GRB10: variants seen among roughly 807,000 people sequenced by gnomAD.
GRB10 encodes the protein growth factor receptor bound protein 10.
A neutral mutation model predicts 80.9 loss-of-function variants in GRB10; 20 were observed. That is an observed-to-expected ratio of 0.25 (90% CI 0.17 to 0.36). The LOEUF (loss-of-function observed/expected upper bound fraction) is 0.36. Ranked by LOEUF, GRB10 falls within the 10% of genes least tolerant of loss-of-function variation. GRB10 has a pLI of 1.00. For missense variants in GRB10, 548 were observed against 747.7 expected (o/e 0.73, Z 3.12); for synonymous variants, 291 against 291.5 (o/e 1.00, Z 0.02).
intron 7 of GRB10, among the ~76,000 whole-genome samples, chr7:50,653,194 T>C (rs2058194095): frequency 6.6e-6 from 1 of 152,126 alleles, no homozygotes; most frequent in African/African-American, 2.4e-5. Flanking sequence ...ACCGTCTTCC[T>C]AGGCACTGTC....
At chr7:50,774,202 A>T (rs1445434985) in intron 2 of GRB10, among the ~76,000 whole-genome samples, 1 of 152,092 alleles carries the variant, frequency 6.6e-6, no homozygotes, top group Non-Finnish European at 1.5e-5. Context: ...AAGCAGGGGG[A>T]GCAATGGGAT....
chr7:50,645,060 T>C (rs926738507), intron 7 of GRB10, among the ~76,000 whole-genome samples: 2 of 152,194 alleles, frequency 1.3e-5, no homozygotes, highest in Admixed American at 1.3e-4. Flanking sequence ...AATGGAGCTA[T>C]CATTTAGGGC....
Position 50,782,071 on chromosome 7 carries a change from C to T in GRB10, c.-327+353G>A, listed in dbSNP as rs2078341306. On this transcript the variant is annotated intron_variant, in intron 1 of 18. Coordinates refer to ENST00000401949, the MANE Select transcript of GRB10 (RefSeq NM_001350814.2). This position sits in a 1 kb window ranked among gnomAD's most constrained non-coding sequence, Gnocchi z 6.6. The stretch of plus-strand genomic sequence containing the variant: ...TTTCCCAAACCGGTTCCCACACCCG[C>T]TGCCCACCACCTGGCGAGGAAGGAG... Among the ~76,000 whole-genome samples, 1 of 152,274 alleles carries T rather than the reference C, an allele frequency of 6.6e-6. No homozygotes were observed. The highest frequency in any genetic ancestry group is 2.4e-5 in the African/African-American group (1 of 41,478).
At position 50,616,258 on chromosome 7, in the gene GRB10, C is replaced by T; in HGVS notation, c.936G>A (p.Val312=). The part of the protein sequence containing the change: ...LGKKSWKKLY[V]CLRRSGLYCS... ...AATAAAGGCCAGATCTCCGCAAACACACATACAGCTTTTTCCATGATTTCT... is the reference window on the plus strand; with the variant it reads ...AATAAAGGCCAGATCTCCGCAAACATACATACAGCTTTTTCCATGATTTCT... Residue 312 remains valine, a synonymous_variant, in exon 11 of 19, where the codon GTG becomes GTA. Coordinates refer to ENST00000401949, the MANE Select transcript of GRB10 (RefSeq NM_001350814.2). The T allele has an allele frequency of 6.2e-7, 1 of 1,614,206 alleles. No homozygotes were observed. The highest frequency in any genetic ancestry group is 2.2e-5 in the East Asian group (1 of 44,888).
chr7:50,690,095 G>C (rs931641145), intron 5 of GRB10, among the ~76,000 whole-genome samples: 1 of 152,120 alleles, frequency 6.6e-6, no homozygotes, highest in African/African-American at 2.4e-5. Context: ...TCAGGAGTCT[G>C]AGACCAGCCT....
At chr7:50,718,343 T>A (rs1017783088) in intron 4 of GRB10, among the ~76,000 whole-genome samples, 2 of 152,092 alleles carry the variant, frequency 1.3e-5, no homozygotes, top group Non-Finnish European at 2.9e-5. Flanking sequence ...TCTGCATGGG[T>A]TAGTTACCCA....
chr7:50,629,334 C>T (rs563227504), intron 7 of GRB10, among the ~76,000 whole-genome samples: 97 of 152,264 alleles, frequency 6.4e-4, no homozygotes, highest in Non-Finnish European at 1.2e-3. Flanking sequence ...GCCATCCCCC[C>T]AAAGGTCTAT....
intron 13 of GRB10, among the ~76,000 whole-genome samples, chr7:50,609,984 G>A (rs1466802016): frequency 6.6e-6 from 1 of 152,064 alleles, no homozygotes; most frequent in Non-Finnish European, 1.5e-5. Flanking sequence ...GAAGGTCCTA[G>A]GTTAATTCAA....
At chr7:50,631,119 A>G (rs577167501) in intron 7 of GRB10, among the ~76,000 whole-genome samples, 1 of 152,210 alleles carries the variant, frequency 6.6e-6, no homozygotes, top group Admixed American at 6.5e-5. Context: ...CTTGCTGTCA[A>G]TCTTAGCACA....
intron 7 of GRB10, among the ~76,000 whole-genome samples, chr7:50,644,026 G>A (rs190904809): frequency 5.3e-5 from 8 of 152,190 alleles, no homozygotes; most frequent in Non-Finnish European, 4.4e-5. Context: ...CCATAGTAAC[G>A]ATCACCCCAG....
rs139093255 is a variant in GRB10, at chr7:50,758,040, A to T, written c.-216-1984T>A. Among the ~76,000 whole-genome samples, 1,203 of 152,332 alleles carry T rather than the reference A, an allele frequency of 7.9e-3. 19 individuals carry two copies. The highest frequency in any genetic ancestry group is 0.024 in the African/African-American group (989 of 41,572). ...TTTGTCTATTTTCTAGGAAGTTGAT[A>T]TTAGTCTTTACAGTTGACAAAACAA... On this transcript the variant is annotated intron_variant, in intron 2 of 18. Coordinates refer to ENST00000401949, the MANE Select transcript of GRB10 (RefSeq NM_001350814.2).
At chr7:50,674,186 C>A (rs944436902) in intron 6 of GRB10, among the ~76,000 whole-genome samples, 5 of 152,212 alleles carry the variant, frequency 3.3e-5, no homozygotes, top group African/African-American at 1.2e-4. Flanking sequence ...CTACCTAGCA[C>A]AGTGCCTTGC....
chr7:50,616,511 G>A (rs546206046), intron 10 of GRB10, among the ~76,000 whole-genome samples, 164 bp from the exon 11 acceptor site: 1 of 152,238 alleles, frequency 6.6e-6, no homozygotes, highest in East Asian at 1.9e-4. Flanking sequence ...ATCTCAATTC[G>A]TGTTGCATAG....
intron 3 of GRB10, among the ~76,000 whole-genome samples, chr7:50,749,552 T>C (rs558081345): frequency 4.2e-4 from 64 of 152,366 alleles, no homozygotes; most frequent in African/African-American, 1.5e-3. Context: ...TACCAGAGCT[T>C]CTATAAATAA....
chr7:50,613,154 A>G (rs574658066), intron 12 of GRB10, among the ~76,000 whole-genome samples: 24 of 152,314 alleles, frequency 1.6e-4, no homozygotes, highest in Admixed American at 1.0e-3. Context: ...GGTAAGCACA[A>G]TAGGACAAAG....
intron 4 of GRB10, among the ~76,000 whole-genome samples, chr7:50,715,655 G>A (rs546521738): frequency 3.3e-5 from 5 of 152,220 alleles, no homozygotes; most frequent in South Asian, 2.1e-4. Context: ...ACCATATGAC[G>A]TCTAAACTTC....
chr7:50,625,494 T>C (rs1458309748), intron 8 of GRB10, among the ~76,000 whole-genome samples: 1 of 152,194 alleles, frequency 6.6e-6, no homozygotes, highest in African/African-American at 2.4e-5. Context: ...ACAGGTGCTT[T>C]TGACAGCCTT....
chr7:50,700,845 A>G (rs1477338208), intron 5 of GRB10, among the ~76,000 whole-genome samples: 1 of 152,252 alleles, frequency 6.6e-6, no homozygotes, highest in African/African-American at 2.4e-5. Flanking sequence ...TAGATTGCTT[A>G]AAATTCAGTG....
intron 7 of GRB10, among the ~76,000 whole-genome samples, chr7:50,665,728 A>C (rs1217009075): frequency 6.6e-6 from 1 of 152,140 alleles, no homozygotes; most frequent in Non-Finnish European, 1.5e-5. Context: ...CCAGAAGAGG[A>C]AGCAGAGCCT....
Sources: gnomAD v4.1 joint callset for allele counts (sites outside exome capture counted in the v4.1 genomes callset) on GRCh38, gnomAD v4.1.1 for gene constraint, Gnocchi (gnomAD v3.1) non-coding constraint, MANE v1.5 for transcripts, NCBI Gene and HGNC (gene_info 2026-07-23, HGNC 2026-07-21) for gene names.